Variants in ITGA9 observed in about 807,000 individuals in gnomAD.
ITGA9 encodes integrin alpha-9.
In ITGA9, 56 loss-of-function variants were observed where a neutral mutation model predicts 127.8. That is an observed-to-expected ratio of 0.44 (90% CI 0.35 to 0.55). The LOEUF (loss-of-function observed/expected upper bound fraction) is 0.55, where lower values mean the gene tolerates loss of function less well. Among genes scored for constraint, ITGA9 ranks in the 20% least tolerant of loss-of-function variants. The pLI is 0.00. For synonymous variants in ITGA9, 508 were observed against 514.5 expected, an observed-to-expected ratio of 0.99 and a Z score of 0.17; for missense variants, 1,196 against 1,347.1, an observed-to-expected ratio of 0.89 and a Z score of 1.76.
At chr3:37,709,166 C>T (rs1701049056) in intron 18 of ITGA9, among the ~76,000 whole-genome samples, 1 of 152,180 alleles carries the variant, frequency 6.6e-6, no homozygotes, top group South Asian at 2.1e-4. Flanking sequence ...ATTAGACATT[C>T]ATGTAAAGCA....
At chr3:37,818,191 T>TTAAAAAAAAAAAAAAAAAAAAAAAAAAA in intron 27 of ITGA9, 1 of 31,970 alleles carries the variant, frequency 3.1e-5, no homozygotes, top group South Asian at 1.3e-3. Context: ...TAAGACTCTC[T>TTAAAAAAAAAAAAAAAAAAAAAAAAAAA]AAAAAAAAAA....
At chr3:37,578,971 T>G (rs1002753402) in intron 15 of ITGA9, among the ~76,000 whole-genome samples, 2 of 152,044 alleles carry the variant, frequency 1.3e-5, no homozygotes, top group African/African-American at 4.8e-5. Flanking sequence ...GGTTCGTAAT[T>G]GATTAGTGGA....
chr3:37,498,491 G>A (rs868125065), intron 5 of ITGA9, among the ~76,000 whole-genome samples: 5 of 152,044 alleles, frequency 3.3e-5, no homozygotes, highest in Non-Finnish European at 5.9e-5. Context: ...AGGAACCGGC[G>A]GGGCAGGAGT....
intron 18 of ITGA9, among the ~76,000 whole-genome samples, chr3:37,706,814 T>C (rs545475840): frequency 4.1e-4 from 62 of 152,342 alleles, no homozygotes; most frequent in African/African-American, 1.5e-3. Flanking sequence ...CAGTTCAACC[T>C]GTAATTGCTT....
At chr3:37,647,904 A>T (rs1236166392) in intron 16 of ITGA9, among the ~76,000 whole-genome samples, 1 of 152,056 alleles carries the variant, frequency 6.6e-6, no homozygotes, top group Non-Finnish European at 1.5e-5. Context: ...ACACACCACA[A>T]TTTCTTTATC....
intron 15 of ITGA9, among the ~76,000 whole-genome samples, chr3:37,554,190 A>T (rs1311271506): frequency 6.6e-6 from 1 of 152,014 alleles, no homozygotes; most frequent in Non-Finnish European, 1.5e-5. Flanking sequence ...AAGAAAATAG[A>T]GCCCAGTGAA....
chr3:37,662,596 C>T (rs1035775824), intron 17 of ITGA9, among the ~76,000 whole-genome samples: 2 of 152,128 alleles, frequency 1.3e-5, no homozygotes, highest in Non-Finnish European at 2.9e-5. Context: ...GGGGCAGCTG[C>T]CCTTCATCTC....
chr3:37,750,516 C>T lies in ITGA9; in HGVS notation c.2488C>T (p.Pro830Ser). The T allele has an allele frequency of 6.2e-7, 1 of 1,614,054 alleles. No homozygotes were observed. The highest frequency in any genetic ancestry group is 8.5e-7 in the Non-Finnish European group (1 of 1,179,866). ...LPGSSVSISF[P>S]NRLSSGGAEM... is the part of the protein sequence containing the mutation. Reference sequence around the variant, plus strand: ...AGGGTCATCTGTCAGCATCTCTTTCCCTAATCGACTCTCATCTGGTGGTGC... The same window carrying T: ...AGGGTCATCTGTCAGCATCTCTTTCTCTAATCGACTCTCATCTGGTGGTGC... Residue 830 changes from proline (P) to serine (S), a missense_variant, in exon 23 of 28, where the codon CCT becomes TCT. Transcript: ENST00000264741.
intron 15 of ITGA9, among the ~76,000 whole-genome samples, chr3:37,553,429 A>G (rs1699397668): frequency 6.6e-6 from 1 of 152,178 alleles, no homozygotes; most frequent in Admixed American, 6.5e-5. Flanking sequence ...TTGCTCCTTC[A>G]TGTCCTTGAC....
intron 16 of ITGA9, among the ~76,000 whole-genome samples, chr3:37,634,417 A>C (rs1250246204): frequency 1.3e-5 from 2 of 152,138 alleles, no homozygotes; most frequent in Non-Finnish European, 2.9e-5. Flanking sequence ...GGATGAAAAA[A>C]ATTCTATGCA....
intron 25 of ITGA9, among the ~76,000 whole-genome samples, chr3:37,783,164 C>T (rs1248585524): frequency 1.3e-5 from 2 of 151,850 alleles, no homozygotes; most frequent in African/African-American, 2.4e-5. Flanking sequence ...CCGTAGGATT[C>T]GGATTTTTTT....
intron 1 of ITGA9, among the ~76,000 whole-genome samples, chr3:37,455,121 T>C (rs1698242519): frequency 6.6e-6 from 1 of 152,240 alleles, no homozygotes; most frequent in Admixed American, 6.5e-5. Flanking sequence ...CTGTCCTAAG[T>C]CTGTACCTTA....
intron 16 of ITGA9, among the ~76,000 whole-genome samples, chr3:37,638,975 G>A (rs911316333): frequency 1.3e-5 from 2 of 152,164 alleles, no homozygotes; most frequent in African/African-American, 2.4e-5. Flanking sequence ...TCCAGGATAG[G>A]GCTTTGGCAC....
chr3:37,618,739 G>A lies in ITGA9; in HGVS notation c.1690-10448G>A, dbSNP rs150305069. On this transcript the variant is annotated intron_variant, in intron 15 of 27. Transcript: ENST00000264741. The stretch of plus-strand genomic sequence containing the variant: ...CTGTGCTAGCAATGAGCAAGGCTCC[G>A]TGGGCGTAGGACTCTCCGAGCTAGG... Among the ~76,000 whole-genome samples the A allele has an allele frequency of 4.2e-3, 646 of 152,298 alleles. 8 individuals carry two copies. The highest frequency in any genetic ancestry group is 0.015 in the African/African-American group (626 of 41,566).
Position 37,612,911 on chromosome 3 carries a change from G to A in ITGA9, c.1690-16276G>A, listed in dbSNP as rs373982203. On this transcript the variant is annotated intron_variant, in intron 15 of 27. Coordinates refer to ENST00000264741, the MANE Select transcript of ITGA9 (RefSeq NM_002207.3). ...GCAAAACATGACCCTGAGGAGGCCT[G>A]GGGCTGATCTGAGCCTTAAGACTTA... 9.2e-5 allele frequency among the ~76,000 whole-genome samples: 14 copies of A among 151,874 alleles called. No individual in the cohort carries two copies. The East Asian group carries it at 2.3e-3, about 25-fold the overall frequency.
rs570337845 is a variant in ITGA9, at chr3:37,676,196, C to A, written c.1917-7669C>A. Among the ~76,000 whole-genome samples the A allele has an allele frequency of 2.0e-5, 3 of 152,276 alleles. No homozygotes were observed. In the East Asian group the frequency reaches 5.8e-4, roughly 29 times the overall value. On this transcript the variant is annotated intron_variant, in intron 17 of 27. Coordinates refer to ENST00000264741, the MANE Select transcript of ITGA9 (RefSeq NM_002207.3). ...TAAAACTGGTGAAACAAATTTAATG[C>A]AGTATATCCCAAAAGTAATTATTTG...
rs545536396 is a variant in ITGA9 at position 37,565,999 on chromosome 3, C to A, written c.1689+23414C>A. ...TCACTATGTCCATGCCCAAGAGTTC[C>A]ACCATGAGCACATGCCTTGAGGGCA... On this transcript the variant is annotated intron_variant, in intron 15 of 27. Coordinates refer to ENST00000264741, the MANE Select transcript of ITGA9 (RefSeq NM_002207.3). Among the ~76,000 whole-genome samples, 4 of 152,320 alleles carry A rather than the reference C, an allele frequency of 2.6e-5. No individual in the cohort carries two copies. The South Asian group carries it at 8.3e-4, about 32-fold the overall frequency.
chr3:37,638,938 G>A (rs1700306526), intron 16 of ITGA9, among the ~76,000 whole-genome samples: 1 of 152,152 alleles, frequency 6.6e-6, no homozygotes, highest in Non-Finnish European at 1.5e-5. Flanking sequence ...CCCTCTATAG[G>A]GTACATAGTC....
At chr3:37,680,798 G>A (rs956863758) in intron 17 of ITGA9, among the ~76,000 whole-genome samples, 1 of 152,106 alleles carries the variant, frequency 6.6e-6, no homozygotes, top group Non-Finnish European at 1.5e-5. Context: ...TCTTCCAAAA[G>A]CAAACAGAAG....
Sources: gnomAD v4.1 joint callset for allele counts (sites outside exome capture counted in the v4.1 genomes callset) on GRCh38, gnomAD v4.1.1 for gene constraint, MANE v1.5 for transcripts, NCBI Gene and HGNC (gene_info 2026-07-23, HGNC 2026-07-21) for gene names.